MYH8: variants seen among roughly 807,000 people sequenced by gnomAD.
The protein encoded by MYH8 is myosin-8.
In MYH8, 168 loss-of-function variants were observed where a neutral mutation model predicts 233.2. The ratio of observed to expected loss-of-function variants is 0.72; its 90% CI spans 0.64 to 0.82. The LOEUF is 0.82. MYH8 is among the 40% of genes least tolerant of loss of function. The pLI is 0.00. For missense variants in MYH8, 1,995 were observed against 2,327.8 expected (o/e 0.86, Z 2.94); for synonymous variants, 785 against 850.6 (o/e 0.92, Z 1.34).
In MYH8 at chr17:10,400,660, T is replaced by C; in HGVS notation, c.3465A>G (p.Glu1155=). 1 of 1,614,204 alleles carries C rather than the reference T, an allele frequency of 6.2e-7. No homozygotes were observed. The highest frequency in any genetic ancestry group is 8.5e-7 in the Non-Finnish European group (1 of 1,180,042). Reference sequence around the variant, plus strand: ...CCTGAGCAGAAGTTGCCCCACCGGCTTCTTCCAGCCTCTCGCTGATCTCCT... The same window carrying C: ...CCTGAGCAGAAGTTGCCCCACCGGCCTCTTCCAGCCTCTCGCTGATCTCCT... ...ELEEISERLE[E]AGGATSAQVE... Residue 1155 remains glutamate (E), a synonymous_variant, in exon 27 of 40, where the codon GAA becomes GAG. Coordinates refer to ENST00000403437, the MANE Select transcript of MYH8 (RefSeq NM_002472.3). This position sits in a 1 kb window ranked among gnomAD's most constrained non-coding sequence, Gnocchi z 4.0.
chr17:10,394,788 A>G (rs540667763), intron 34 of MYH8, among the ~76,000 whole-genome samples: 3 of 152,300 alleles, frequency 2.0e-5, no homozygotes, highest in Non-Finnish European at 4.4e-5. Flanking sequence ...GGGTAGTTTC[A>G]TTCTTATTTT....
intron 28 of MYH8, among the ~76,000 whole-genome samples, chr17:10,399,272 T>A (rs1023948756): frequency 1.3e-5 from 2 of 152,022 alleles, no homozygotes; most frequent in Admixed American, 1.3e-4. Context: ...TGTGTGTCTG[T>A]TTGTGTGTGA....
chr17:10,412,554 A>G (rs377765936), intron 13 of MYH8, 35 bp from the exon 14 acceptor site: 1 of 1,614,090 alleles, frequency 6.2e-7, no homozygotes, highest in African/African-American at 1.3e-5. Flanking sequence ...TGGTATTGTT[A>G]AAGACATGCC....
chr17:10,410,688 T>A (rs2072236119), intron 15 of MYH8, 89 bp downstream of exon 15: 4 of 1,599,634 alleles, frequency 2.5e-6, no homozygotes, highest in Non-Finnish European at 3.4e-6. Flanking sequence ...TCACAAACCA[T>A]TTGAGATTAC....
rs1315713967 is a variant in MYH8 at position 10,415,435 on chromosome 17, C to A, written c.648+37G>T. 6.2e-7 allele frequency: 1 copy of A among 1,613,444 alleles called. No individual in the cohort carries two copies. Among genetic ancestry groups the A allele is most frequent in the Non-Finnish European group, 8.5e-7 (1 of 1,179,370 alleles). On this transcript the variant is annotated intron_variant, in intron 7 of 39. Coordinates refer to ENST00000403437, the MANE Select transcript of MYH8 (RefSeq NM_002472.3). The surrounding 1 kb of genome is among the most constrained non-coding windows in gnomAD (Gnocchi z 4.1). ...ATCTGGGACTCCAGATGTCTGAGAG[C>A]CTTGACAGAGGTTTTGACTCTGGCT...
In MYH8 at chr17:10,392,573, T is replaced by G. The variant is rs1351330187; in HGVS notation, c.5537A>C (p.His1846Pro). The G allele has an allele frequency of 6.2e-7, 1 of 1,614,108 alleles. No individual in the cohort carries two copies. Among genetic ancestry groups the G allele is most frequent in the Non-Finnish European group, 8.5e-7 (1 of 1,180,034 alleles). Residue 1846 changes from histidine to proline, a missense_variant, in exon 38 of 40, where the codon CAT becomes CCT. Transcript: ENST00000403437. ...NAEAVKGLRK[H>P]ERRVKELTYQ... ...GGTGAGTTCTTTTACTCGTCGCTCA[T>G]GTTTCCGTAAACCTTTAACAGCCTC...
rs1330184881 is a variant in MYH8, at chr17:10,417,455, T to C, written c.511+1190A>G. Among the ~76,000 whole-genome samples, 1 of 152,226 alleles carries C rather than the reference T, an allele frequency of 6.6e-6. No homozygotes were observed. Among genetic ancestry groups the C allele is most frequent in the Non-Finnish European group, 1.5e-5 (1 of 68,028 alleles). On this transcript the variant is annotated intron_variant, in intron 5 of 39. Coordinates refer to ENST00000403437, the MANE Select transcript of MYH8 (RefSeq NM_002472.3). The surrounding 1 kb of genome is among the most constrained non-coding windows in gnomAD (Gnocchi z 4.1). ...CCGTGGAAGATTATATCACATCTAGTGGAAGCACAGATGAGAAAACAATGT... is the reference window on the plus strand; with the variant it reads ...CCGTGGAAGATTATATCACATCTAGCGGAAGCACAGATGAGAAAACAATGT...
rs1374283170 is a variant in MYH8 at position 10,400,415 on chromosome 17, T to A, written c.3710A>T (p.Asn1237Ile). The change falls in exon 27 of 40, where the codon AAC (asparagine) becomes ATC (isoleucine). Residue 1237 changes from asparagine (N) to isoleucine (I), a missense_variant. Physicochemically the swap from Asn to Ile is moderately radical, Grantham distance 149 (BLOSUM62 -3). Coordinates refer to ENST00000403437, the MANE Select transcript of MYH8 (RefSeq NM_002472.3). This position sits in a 1 kb window ranked among gnomAD's most constrained non-coding sequence, Gnocchi z 4.0. ...LKMETDDLSSNAEAISKAKGN... is the reference protein window; with the variant it reads ...LKMETDDLSSIAEAISKAKGN... ...CTTGGCTTTGGAAATGGCCTCTGCG[T>A]TACTGCTGAGGTCATCAGTCTCCAT... 1 of 1,613,834 alleles carries A rather than the reference T, an allele frequency of 6.2e-7. No individual in the cohort carries two copies. The highest frequency in any genetic ancestry group is 8.5e-7 in the Non-Finnish European group (1 of 1,179,948).
rs772795789 is a variant in MYH8, at chr17:10,409,478, G to A, written c.1698C>T (p.Phe566=). The A allele has an allele frequency of 3.7e-6, 6 of 1,614,110 alleles. No homozygotes were observed. Among genetic ancestry groups the A allele is most frequent in the Admixed American group, 1.7e-5 (1 of 60,004 alleles). ...YDQHLGKSAN[F]QKPKVVKGKA... ...TGCCTTTGACCACCTTGGGCTTCTG[G>A]AAGTTGGCAGACTTGCCCAGGTGCT... is the stretch of plus-strand genomic sequence containing the variant. The change falls in exon 16 of 40, where the codon TTC becomes TTT. Residue 566 remains phenylalanine, a synonymous_variant. Coordinates refer to ENST00000403437, the MANE Select transcript of MYH8 (RefSeq NM_002472.3).
chr17:10,399,010 A>ATATATG, intron 28 of MYH8, 124 bp from the exon 29 acceptor site: 1 of 292,806 alleles, frequency 3.4e-6, no homozygotes, highest in South Asian at 8.5e-5. Context: ...ATATATATAT[A>ATATATG]TATATATACA....
In MYH8 at chr17:10,406,937, G is replaced by C; in HGVS notation, c.2008C>G (p.Pro670Ala). 1.2e-6 allele frequency: 2 copies of C among 1,613,978 alleles called. No homozygotes were observed. The highest frequency in any genetic ancestry group is 1.1e-5 in the South Asian group (1 of 91,054). Residue 670 changes from proline to alanine, a missense_variant, in exon 18 of 40, where the codon CCT (proline) becomes GCT (alanine). Pro to Ala is a conservative substitution (Grantham distance 27). Transcript: ENST00000403437. The stretch of plus-strand genomic sequence containing the variant: ...GGAATGATACACCGTACGAAGTGAG[G>C]GTGTGTGCTCCTCAGATTCGTCATC... ...KLMTNLRSTH[P>A]HFVRCIIPNE...
At chr17:10,421,108 G>T (rs944354127) in intron 2 of MYH8, among the ~76,000 whole-genome samples, 1 of 152,152 alleles carries the variant, frequency 6.6e-6, no homozygotes, top group Admixed American at 6.5e-5. Flanking sequence ...GATTGGTTGA[G>T]TTTTTCCTTT....
At position 10,396,592 on chromosome 17, in the gene MYH8, G is replaced by C; in HGVS notation, c.4489C>G (p.Gln1497Glu). ...TTTTCTCTTCTTAGCGTTTCGAGTTGATCCAGGGATTCCTCATAGACATTC... is the reference window on the plus strand; with the variant it reads ...TTTTCTCTTCTTAGCGTTTCGAGTTCATCCAGGGATTCCTCATAGACATTC... ...VKNVYEESLDQLETLRRENKN... is the reference protein window; with the variant it reads ...VKNVYEESLDELETLRRENKN... Residue 1497 changes from glutamine to glutamate, a missense_variant, in exon 32 of 40, where the codon CAA becomes GAA. Gln to Glu is a conservative substitution (Grantham distance 29). Coordinates refer to ENST00000403437, the MANE Select transcript of MYH8 (RefSeq NM_002472.3). This position sits in a 1 kb window ranked among gnomAD's most constrained non-coding sequence, Gnocchi z 4.2. 1 of 1,614,146 alleles carries C rather than the reference G, an allele frequency of 6.2e-7. No homozygotes were observed.
intron 22 of MYH8, among the ~76,000 whole-genome samples, chr17:10,403,409 G>A (rs575418256): frequency 6.6e-6 from 1 of 152,114 alleles, no homozygotes; most frequent in East Asian, 1.9e-4. Flanking sequence ...TTGTTCTTGA[G>A]TTTAAAAAAC....
At chr17:10,407,835 T>C (rs2072208449) in intron 17 of MYH8, among the ~76,000 whole-genome samples, 1 of 150,746 alleles carries the variant, frequency 6.6e-6, no homozygotes, top group African/African-American at 2.4e-5. Context: ...CAAGACTCTG[T>C]CTCGAAAAAA....
At position 10,404,960 on chromosome 17, in the gene MYH8, G is replaced by A. The variant is rs555888276; in HGVS notation, c.2433-375C>T. On this transcript the variant is annotated intron_variant, in intron 21 of 39. Coordinates refer to ENST00000403437, the MANE Select transcript of MYH8 (RefSeq NM_002472.3). The stretch of plus-strand genomic sequence containing the variant: ...GACAGTATTAGTGATTTGAGGGTGG[G>A]CATGGTGATTGCATGTTGATTGTGC... Among the ~76,000 whole-genome samples, 5 of 152,230 alleles carry A rather than the reference G, an allele frequency of 3.3e-5. No individual in the cohort carries two copies. In the East Asian group the frequency reaches 5.8e-4, roughly 18 times the overall value.
At chr17:10,408,303 T>C (rs1480979680) in intron 17 of MYH8, among the ~76,000 whole-genome samples, 1 of 152,128 alleles carries the variant, frequency 6.6e-6, no homozygotes. Flanking sequence ...ATAAGTAATG[T>C]GAGTTCCTAA....
At chr17:10,401,838 G>T in intron 22 of MYH8, 53 bp from the exon 23 acceptor site, 3 of 1,611,490 alleles carry the variant, frequency 1.9e-6, no homozygotes, top group Non-Finnish European at 2.5e-6. Context: ...TTTGAAACTT[G>T]GTGTTTTTTT....
rs1294818450 is a variant in MYH8 at position 10,401,110 on chromosome 17, A to G, written c.3190T>C (p.Leu1064=). The part of the protein sequence containing the change: ...AKRKLEGDLK[L]AQESTMDMEN... ...ATATCCATTGTGGATTCTTGGGCCA[A>G]TTTGAGGTCACCCTCCAGTTTCCGC... is the stretch of plus-strand genomic sequence containing the variant. The change falls in exon 25 of 40, where the codon TTG becomes CTG. Residue 1064 remains leucine, a synonymous_variant. Transcript: ENST00000403437. 2 of 1,614,156 alleles carry G rather than the reference A, an allele frequency of 1.2e-6. No homozygotes were observed. The highest frequency in any genetic ancestry group is 1.7e-6 in the Non-Finnish European group (2 of 1,180,026).
Sources: allele counts gnomAD v4.1 joint callset (sites outside exome capture counted in the v4.1 genomes callset), GRCh38; gene constraint gnomAD v4.1.1; non-coding constraint Gnocchi (gnomAD v3.1); transcripts MANE v1.5; gene names NCBI Gene and HGNC (gene_info 2026-07-23, HGNC 2026-07-21).